Variants in NFIC observed in about 807,000 individuals in gnomAD.
NFIC encodes the protein nuclear factor 1 C-type.
A neutral mutation model predicts 54.4 loss-of-function variants in NFIC; 12 were observed. The ratio of observed to expected loss-of-function variants is 0.22; its 90% confidence interval spans 0.14 to 0.36. The LOEUF (loss-of-function observed/expected upper bound fraction) is 0.36. Among genes scored for constraint, NFIC ranks in the 10% least tolerant of loss-of-function variants. NFIC has a pLI of 1.00. For synonymous variants in NFIC, 322 were observed against 319.2 expected, an observed-to-expected ratio of 1.01 and a Z score of -0.09; for missense variants, 575 against 718.2, an observed-to-expected ratio of 0.80 and a Z score of 2.28.
intron 6 of NFIC, among the ~76,000 whole-genome samples, chr19:3,440,494 G>C (rs1368343851): frequency 6.6e-6 from 1 of 151,158 alleles, no homozygotes; most frequent in South Asian, 2.1e-4. Context: ...TGCAATGCGC[G>C]ATCTTGACTC....
chr19:3,449,146 G>T lies in NFIC; in HGVS notation c.1084+7G>T, dbSNP rs199680655. ...GTCATCGCCGTGCACAGCGGTAAGC[G>T]CCACGGGCCCCTGGCGGGGAGGGGC... On this transcript the variant is annotated splice_region_variant and intron_variant, in intron 7 of 10. Transcript: ENST00000443272. 1.2e-6 allele frequency: 2 copies of T among 1,608,034 alleles called. No homozygotes were observed. The highest frequency in any genetic ancestry group is 1.1e-5 in the South Asian group (1 of 90,534).
rs534260101 is a variant in NFIC at position 3,452,463 on chromosome 19, C to A, written c.1085-19C>A. 6.2e-7 allele frequency: 1 copy of A among 1,609,324 alleles called. No individual in the cohort carries two copies. The highest frequency in any genetic ancestry group is 1.3e-5 in the African/African-American group (1 of 75,018). On this transcript the variant is annotated intron_variant, in intron 7 of 10. Coordinates refer to ENST00000443272, the MANE Select transcript of NFIC (RefSeq NM_001245002.2). The surrounding 1 kb of genome is among the most constrained non-coding windows in gnomAD (Gnocchi z 5.3). ...GGCTGGAGCCCCCAAGTAACCCCCGCTTCCCACTGTCTCCGCAGGGATCGC... is the reference window on the plus strand; with the variant it reads ...GGCTGGAGCCCCCAAGTAACCCCCGATTCCCACTGTCTCCGCAGGGATCGC...
rs549615233 is a variant in NFIC at position 3,403,861 on chromosome 19, C to T, written c.563-21245C>T. On this transcript the variant is annotated intron_variant, in intron 2 of 10. Transcript: ENST00000443272. ...CGCGCCCGGCTGCCCCCACCCGGTG[C>T]CCGACATTGGCAGAGAGTGTCCTCG... Among the ~76,000 whole-genome samples the T allele has an allele frequency of 2.6e-5, 4 of 151,700 alleles. No homozygotes were observed. In the South Asian group the frequency reaches 8.4e-4, roughly 32 times the overall value.
intron 2 of NFIC, among the ~76,000 whole-genome samples, chr19:3,392,133 G>T (rs904611367): frequency 7.1e-6 from 1 of 140,810 alleles, no homozygotes; most frequent in Non-Finnish European, 1.5e-5. Context: ...GTGCAGTGGT[G>T]TGATCGTGGC....
chr19:3,457,641 G>A (rs548811727), intron 10 of NFIC, among the ~76,000 whole-genome samples: 3 of 152,174 alleles, frequency 2.0e-5, no homozygotes, highest in Non-Finnish European at 4.4e-5. Flanking sequence ...GCTACCCAGC[G>A]GCCACGGAAC....
rs2082679122 is a variant in NFIC, at chr19:3,463,908, C to T, written c.*1139C>T. ...CGGAATGGCCGCGGGCCTCCTCCCCCTCCCCTCCAGCCTCTCCACCAGCCC... is the reference window on the plus strand; with the variant it reads ...CGGAATGGCCGCGGGCCTCCTCCCCTTCCCCTCCAGCCTCTCCACCAGCCC... On this transcript the variant is annotated 3_prime_UTR_variant, in exon 11 of 11. Transcript: ENST00000443272. The T allele has an allele frequency of 4.1e-6, 4 of 969,884 alleles. No individual in the cohort carries two copies. The highest frequency in any genetic ancestry group is 3.7e-6 in the Non-Finnish European group (3 of 816,062). 60.1% of individuals were successfully genotyped at this position (969,884 alleles called of 1,614,324 possible). A position where few individuals can be genotyped will look rare whatever the true frequency, so the allele number is the denominator to read the frequency against.
At chr19:3,387,040 T>G (rs2081308024) in intron 2 of NFIC, among the ~76,000 whole-genome samples, 1 of 152,138 alleles carries the variant, frequency 6.6e-6, no homozygotes, top group Non-Finnish European at 1.5e-5. Flanking sequence ...GTGCAGTGTC[T>G]GGCTTTCATC....
intron 2 of NFIC, among the ~76,000 whole-genome samples, chr19:3,409,185 C>T (rs1234807192): frequency 6.6e-6 from 1 of 152,178 alleles, no homozygotes; most frequent in Non-Finnish European, 1.5e-5. Context: ...TTGCCCACCA[C>T]GCTGCAGCCT....
At chr19:3,446,726 C>T (rs1220093868) in intron 6 of NFIC, among the ~76,000 whole-genome samples, 5 of 152,170 alleles carry the variant, frequency 3.3e-5, no homozygotes, top group Non-Finnish European at 7.3e-5. Context: ...GATCCTTAGC[C>T]CTCACTTGAA....
intron 3 of NFIC, 38 bp downstream of exon 3, chr19:3,425,215 GCGCAGCCCTGTCCTCGT>G (rs769492752): frequency 1.3e-6 from 2 of 1,581,988 alleles, no homozygotes; most frequent in Non-Finnish European, 1.7e-6. Flanking sequence ...AGGGCGGAGG[GCGCAGCCCTGTCCTCGT>G]CTTTTATTTG....
chr19:3,435,831 CTTTCT>C (rs979837133), intron 6 of NFIC, among the ~76,000 whole-genome samples: 5 of 146,528 alleles, frequency 3.4e-5, no homozygotes, highest in African/African-American at 7.3e-5. Flanking sequence ...TTCTTTCTTT[CTTTCT>C]TTTTTTTGAG....
chr19:3,460,660 C>T (rs919969516), intron 10 of NFIC, among the ~76,000 whole-genome samples: 6 of 151,974 alleles, frequency 3.9e-5, no homozygotes, highest in African/African-American at 9.7e-5. Flanking sequence ...ATTACAGGCA[C>T]GTGCCACCAC....
rs1010784872 is a variant in NFIC at position 3,463,792 on chromosome 19, C to G, written c.*1023C>G. ...GAGTTGGGGGTGCCCGTCTGGAGCGCCCCCGTCAGCCCCTGGCGGTGGGAG... is the reference window on the plus strand; with the variant it reads ...GAGTTGGGGGTGCCCGTCTGGAGCGGCCCCGTCAGCCCCTGGCGGTGGGAG... On this transcript the variant is annotated 3_prime_UTR_variant, in exon 11 of 11. Coordinates refer to ENST00000443272, the MANE Select transcript of NFIC (RefSeq NM_001245002.2). 42 of 985,252 alleles carry G rather than the reference C, an allele frequency of 4.3e-5. No homozygotes were observed. The African/African-American group carries it at 5.6e-4, about 13-fold the overall frequency. The allele number at this position is 985,252 out of a possible 1,614,324, so 61.0% of individuals were successfully genotyped here.
At position 3,439,711 on chromosome 19, in the gene NFIC, CAG is replaced by C. The variant is rs1214457784; in HGVS notation, c.958+4507_958+4508del. ...AGAATTTTTTTTTTTTTTTTTTTGT[CAG>C]AGTCTTGCTCTGTCGCCCAGGCTGG... is the stretch of plus-strand genomic sequence containing the variant. On this transcript the variant is annotated intron_variant, in intron 6 of 10. Transcript: ENST00000443272. Among the ~76,000 whole-genome samples, 11 of 118,664 alleles carry C rather than the reference CAG, an allele frequency of 9.3e-5. No homozygotes were observed. The East Asian group carries it at 2.2e-3, about 24-fold the overall frequency. The allele number at this position is 118,664 out of a possible 152,430, so 77.8% of individuals were successfully genotyped here.
chr19:3,401,025 T>C (rs2081546679), intron 2 of NFIC, among the ~76,000 whole-genome samples: 1 of 152,138 alleles, frequency 6.6e-6, no homozygotes, highest in African/African-American at 2.4e-5. Context: ...ACCAGTTATA[T>C]GAAGAACTGG....
rs980781448 is a variant in NFIC, at chr19:3,435,223, G to C, written c.958+16G>C. On this transcript the variant is annotated intron_variant, in intron 6 of 10. Coordinates refer to ENST00000443272, the MANE Select transcript of NFIC (RefSeq NM_001245002.2). Reference sequence around the variant, plus strand: ...ATGGAAGGAGGTAGGGCTGGTGGCGGGGGCGGAGCCGGCCTTCCGGTCTGA... The same window carrying C: ...ATGGAAGGAGGTAGGGCTGGTGGCGCGGGCGGAGCCGGCCTTCCGGTCTGA... 3.2e-6 allele frequency: 5 copies of C among 1,563,216 alleles called. No homozygotes were observed. The highest frequency in any genetic ancestry group is 2.3e-5 in the South Asian group (2 of 86,788).
chr19:3,371,882 TCC>T (rs2081017304), intron 1 of NFIC, among the ~76,000 whole-genome samples: 1 of 32,480 alleles, frequency 3.1e-5, no homozygotes, highest in African/African-American at 1.1e-4. Context: ...TCTTTCTCTC[TCC>T]TTCCTTCCTT....
At chr19:3,418,578 G>A (rs538649154) in intron 2 of NFIC, among the ~76,000 whole-genome samples, 120 of 152,252 alleles carry the variant, frequency 7.9e-4, no homozygotes, top group African/African-American at 2.6e-3. Flanking sequence ...CTGGCCGGGC[G>A]TGGTGGCTCA....
At chr19:3,462,014 A>C (rs1024242673) in intron 10 of NFIC, among the ~76,000 whole-genome samples, 1 of 151,730 alleles carries the variant, frequency 6.6e-6, no homozygotes, top group African/African-American at 2.4e-5. Context: ...AGATCATGCC[A>C]CTGCACTCCA....
Sources: allele counts gnomAD v4.1 joint callset (sites outside exome capture counted in the v4.1 genomes callset), GRCh38; gene constraint gnomAD v4.1.1; non-coding constraint Gnocchi (gnomAD v3.1); transcripts MANE v1.5; gene names NCBI Gene and HGNC (gene_info 2026-07-23, HGNC 2026-07-21).